SIRT5: variants seen among roughly 807,000 people sequenced by gnomAD.
The protein encoded by SIRT5 is NAD-dependent protein deacylase sirtuin-5, mitochondrial.
A neutral mutation model predicts 40.0 loss-of-function variants in SIRT5; 26 were observed. The ratio of observed to expected loss-of-function variants is 0.65; its 90% CI spans 0.48 to 0.90. The LOEUF (loss-of-function observed/expected upper bound fraction) is 0.90, where lower values mean the gene tolerates loss of function less well. Ranked by LOEUF, SIRT5 falls within the 40% of genes least tolerant of loss-of-function variation. The pLI, the probability that SIRT5 is intolerant of heterozygous loss-of-function variation, is 0.00. For missense variants in SIRT5, 401 were observed against 402.4 expected (o/e 1.00, Z 0.03); for synonymous variants, 146 against 149.1 (o/e 0.98, Z 0.15).
At chr6:13,603,052 T>G (rs950363669) in intron 9 of SIRT5, among the ~76,000 whole-genome samples, 1 of 151,784 alleles carries the variant, frequency 6.6e-6, no homozygotes, top group Non-Finnish European at 1.5e-5. Flanking sequence ...CCGAGGCAGG[T>G]GGATCATGAG....
At chr6:13,597,158 G>A (rs1761663500) in intron 7 of SIRT5, 142 bp downstream of exon 7, 2 of 639,182 alleles carry the variant, frequency 3.1e-6, no homozygotes, top group South Asian at 4.0e-5. Flanking sequence ...TGATCTCTGA[G>A]ACCAAAAGTG....
rs1165272867 is a variant in SIRT5, at chr6:13,607,431, ATG to A, written c.858-4357_858-4356del. Among the ~76,000 whole-genome samples, 8 of 152,134 alleles carry A rather than the reference ATG, an allele frequency of 5.3e-5. No homozygotes were observed. Among genetic ancestry groups the A allele is most frequent in the Non-Finnish European group, 1.2e-4 (8 of 68,022 alleles). On this transcript the variant is annotated intron_variant, in intron 9 of 9. Transcript: ENST00000606117. The surrounding 1 kb of genome is among the most constrained non-coding windows in gnomAD (Gnocchi z 4.0). ...ACCAAATTATATTTAGTGACTCAGTATGTCTTTCCCAAGCATTCAACTAGTTT... is the reference window on the plus strand; with the variant it reads ...ACCAAATTATATTTAGTGACTCAGTATCTTTCCCAAGCATTCAACTAGTTT...
chr6:13,591,800 G>A lies in SIRT5; in HGVS notation c.381G>A (p.Arg127=). The A allele has an allele frequency of 6.2e-7, 1 of 1,614,178 alleles. No individual in the cohort carries two copies. Among genetic ancestry groups the A allele is most frequent in the Non-Finnish European group, 8.5e-7 (1 of 1,180,014 alleles). The stretch of plus-strand genomic sequence containing the variant: ...GCGCCATAGCCGAGTGTGAGACCCG[G>A]CTGGGCAAGCAGGGCCGGCGAGTCG... The part of the protein sequence containing the change: ...GHRAIAECET[R]LGKQGRRVVV... Residue 127 remains arginine (R), a synonymous_variant, in exon 5 of 10, where the codon CGG becomes CGA. Transcript: ENST00000606117.
At position 13,591,715 on chromosome 6, in the gene SIRT5, G is replaced by C; in HGVS notation, c.296G>C (p.Trp99Ser). The change falls in exon 5 of 10, where the codon TGG becomes TCG. Residue 99 changes from tryptophan to serine, a missense_variant. By Grantham distance (177) the Trp-to-Ser change is radical. Transcript: ENST00000606117. ...TTTGCCCACAACCCGTCCCGGGTGT[G>C]GGAGTTCTACCACTACCGGCGGGAG... ...LAFAHNPSRV[W>S]EFYHYRREVM... is the part of the protein sequence containing the mutation. 6.2e-7 allele frequency: 1 copy of C among 1,608,684 alleles called. No homozygotes were observed. Among genetic ancestry groups the C allele is most frequent in the Non-Finnish European group, 8.5e-7 (1 of 1,176,040 alleles).
chr6:13,611,300 G>A (rs1352117635), intron 9 of SIRT5, among the ~76,000 whole-genome samples: 2 of 145,836 alleles, frequency 1.4e-5, no homozygotes, highest in African/African-American at 5.1e-5. Context: ...AGTATGTATT[G>A]TGTCTATATA....
At chr6:13,604,980 C>CT in intron 9 of SIRT5, 1 of 988,136 alleles carries the variant, frequency 1.0e-6, no homozygotes, top group Non-Finnish European at 1.2e-6. Context: ...GCCAGCAATG[C>CT]TTTTTTCTTG....
intron 4 of SIRT5, among the ~76,000 whole-genome samples, chr6:13,591,116 G>C (rs1277920050): frequency 6.6e-6 from 1 of 151,626 alleles, no homozygotes; most frequent in Non-Finnish European, 1.5e-5. Flanking sequence ...TGTGTAGTGT[G>C]TATGTATATT....
At position 13,586,003 on chromosome 6, in the gene SIRT5, G is replaced by A. The variant is rs188916230; in HGVS notation, c.115+1778G>A. On this transcript the variant is annotated intron_variant, in intron 3 of 9. Transcript: ENST00000606117. ...TTTCTCTGATGGCCAGTGATGATGA[G>A]CATTTTTTCATGTGTCTGTTGGCTG... Among the ~76,000 whole-genome samples the A allele has an allele frequency of 2.1e-3, 325 of 152,290 alleles. 8 individuals are homozygous for A. Among genetic ancestry groups the A allele is most frequent in the Middle Eastern group, 0.01 (3 of 294 alleles).
At chr6:13,598,535 A>T (rs1761913389) in intron 7 of SIRT5, among the ~76,000 whole-genome samples, 1 of 152,196 alleles carries the variant, frequency 6.6e-6, no homozygotes, top group Non-Finnish European at 1.5e-5. Flanking sequence ...AAGATAAAAA[A>T]TAAGGACAGT....
At chr6:13,604,381 ATCAGAAAAC>A (rs1414130421) in intron 9 of SIRT5, 81 of 821,080 alleles carry the variant, frequency 9.9e-5, no homozygotes, top group Non-Finnish European at 1.5e-4. Context: ...TTGAAAGACC[ATCAGAAAAC>A]TCGAAGAGTG....
intron 3 of SIRT5, among the ~76,000 whole-genome samples, chr6:13,587,707 C>A (rs956902337): frequency 2.0e-5 from 3 of 152,202 alleles, no homozygotes; most frequent in African/African-American, 7.2e-5. Flanking sequence ...CCCTTTGCTA[C>A]CCCAAGTCTC....
chr6:13,581,108 T>C (rs1371369485), intron 2 of SIRT5, among the ~76,000 whole-genome samples: 2 of 152,228 alleles, frequency 1.3e-5, no homozygotes, highest in African/African-American at 2.4e-5. Context: ...TGCAATGATC[T>C]AAACCAGGAC....
At chr6:13,590,827 T>C (rs376553960) in intron 4 of SIRT5, among the ~76,000 whole-genome samples, 21 of 150,260 alleles carry the variant, frequency 1.4e-4, no homozygotes, top group African/African-American at 4.9e-4. Context: ...GTGTGTGTGT[T>C]TAGCTGTGTG....
At chr6:13,609,102 G>T (rs551685233) in intron 9 of SIRT5, among the ~76,000 whole-genome samples, 1 of 152,174 alleles carries the variant, frequency 6.6e-6, no homozygotes, top group Non-Finnish European at 1.5e-5. Flanking sequence ...AATTACAGGC[G>T]TGAGCCACTG....
At position 13,611,941 on chromosome 6, in the gene SIRT5, G is replaced by A. The variant is rs1763986489; in HGVS notation, c.*76G>A. 4 of 1,389,132 alleles carry A rather than the reference G, an allele frequency of 2.9e-6. No homozygotes were observed. Among genetic ancestry groups the A allele is most frequent in the Admixed American group, 1.7e-5 (1 of 59,078 alleles). 86.1% of individuals were successfully genotyped at this position (1,389,132 alleles called of 1,614,324 possible). On this transcript the variant is annotated 3_prime_UTR_variant, in exon 10 of 10. Coordinates refer to ENST00000606117, the MANE Select transcript of SIRT5 (RefSeq NM_012241.5). ...GCAGAGGAGAAATGGTCTTATGGGT[G>A]GTGAGCTGAGTACTGAACAATCTAA... is the stretch of plus-strand genomic sequence containing the variant.
chr6:13,575,855 C>A (rs1025025863), intron 1 of SIRT5, among the ~76,000 whole-genome samples: 16 of 152,216 alleles, frequency 1.1e-4, no homozygotes, highest in African/African-American at 3.9e-4. Context: ...TACTCTGCTT[C>A]TATGAGTTCA....
intron 1 of SIRT5, among the ~76,000 whole-genome samples, chr6:13,575,214 T>C (rs997372455): frequency 6.6e-6 from 1 of 152,044 alleles, no homozygotes; most frequent in African/African-American, 2.4e-5. Flanking sequence ...GCATGCAGTC[T>C]GGCGCGCTGG....
intron 2 of SIRT5, among the ~76,000 whole-genome samples, chr6:13,579,943 T>C (rs1197021699): frequency 6.6e-6 from 1 of 152,240 alleles, no homozygotes; most frequent in Non-Finnish European, 1.5e-5. Flanking sequence ...CAAAAGTTTA[T>C]CATGCCCATG....
At chr6:13,604,504 A>G (rs771442687) in intron 9 of SIRT5, 2 of 1,575,626 alleles carry the variant, frequency 1.3e-6, no homozygotes, top group Non-Finnish European at 1.7e-6. Flanking sequence ...ATCTCTAATT[A>G]TTATAAAGAA....
Sources: gnomAD v4.1 joint callset for allele counts (sites outside exome capture counted in the v4.1 genomes callset) on GRCh38, gnomAD v4.1.1 for gene constraint, Gnocchi (gnomAD v3.1) non-coding constraint, MANE v1.5 for transcripts, NCBI Gene and HGNC (gene_info 2026-07-23, HGNC 2026-07-21) for gene names.